Variants in ZFR observed in about 807,000 individuals in gnomAD.
ZFR encodes zinc finger RNA binding protein, also known as zinc finger RNA-binding protein.
Under a neutral mutation model 130.7 loss-of-function variants are expected in ZFR, and 19 were observed. That is an observed-to-expected ratio of 0.15 (90% CI 0.10 to 0.21). The LOEUF is 0.21. ZFR is among the 10% of genes least tolerant of loss of function. ZFR has a pLI of 1.00. For missense variants in ZFR, 872 were observed against 1,321.5 expected, an observed-to-expected ratio of 0.66 and a Z score of 5.27; for synonymous variants, 466 against 456.9, an observed-to-expected ratio of 1.02 and a Z score of -0.25.
intron 2 of ZFR, among the ~76,000 whole-genome samples, chr5:32,429,110 C>T (rs956882338): frequency 4.0e-5 from 6 of 151,400 alleles, no homozygotes; most frequent in African/African-American, 7.3e-5. Context: ...CTCAGCCTCC[C>T]GAGTAGCTGG....
At chr5:32,369,016 A>C (rs957533655) in intron 17 of ZFR, among the ~76,000 whole-genome samples, 1 of 152,196 alleles carries the variant, frequency 6.6e-6, no homozygotes, top group African/African-American at 2.4e-5. Context: ...CATTTTTGTA[A>C]TATATTTACT....
At chr5:32,394,564 T>C (rs1246369539) in intron 11 of ZFR, 1 of 154,654 alleles carries the variant, frequency 6.5e-6, no homozygotes, top group African/African-American at 2.4e-5. Flanking sequence ...GGGGAGATAC[T>C]AGGTATGTGG....
chr5:32,366,170 C>T (rs1177498272), intron 17 of ZFR, among the ~76,000 whole-genome samples: 1 of 152,036 alleles, frequency 6.6e-6, no homozygotes, highest in East Asian at 1.9e-4. Flanking sequence ...GAGAATAATC[C>T]TGACAATTCA....
At chr5:32,358,176 G>A (rs537391228) in intron 19 of ZFR, among the ~76,000 whole-genome samples, 2 of 152,188 alleles carry the variant, frequency 1.3e-5, no homozygotes, top group Non-Finnish European at 2.9e-5. Flanking sequence ...GGCCAACATG[G>A]TGTAACCCCA....
intron 2 of ZFR, among the ~76,000 whole-genome samples, chr5:32,421,806 A>G (rs954158523): frequency 6.6e-6 from 1 of 152,160 alleles, no homozygotes; most frequent in Non-Finnish European, 1.5e-5. Flanking sequence ...TTGATATAAA[A>G]CTAACATTTT....
chr5:32,379,985 C>A, intron 16 of ZFR, 90 bp downstream of exon 16: 1 of 1,059,480 alleles, frequency 9.4e-7, no homozygotes, highest in South Asian at 1.5e-5. Flanking sequence ...CTTGGGCAGT[C>A]TTTTGAAATG....
At chr5:32,388,357 A>G in intron 13 of ZFR, 112 bp downstream of exon 13, 1 of 1,026,938 alleles carries the variant, frequency 9.7e-7, no homozygotes, top group Non-Finnish European at 1.4e-6. Context: ...AGGCATGGTT[A>G]AAACACATAG....
chr5:32,378,615 C>G (rs1259005775), intron 17 of ZFR, among the ~76,000 whole-genome samples: 1 of 151,960 alleles, frequency 6.6e-6, no homozygotes, highest in African/African-American at 2.4e-5. Flanking sequence ...GAAGAAATCA[C>G]AGCAGATTGT....
At position 32,438,251 on chromosome 5, in the gene ZFR, AAATTT is replaced by A. The variant is rs1248570757; in HGVS notation, c.137+5973_137+5977del. Among the ~76,000 whole-genome samples, 332 of 34,640 alleles carry A rather than the reference AAATTT, an allele frequency of 9.6e-3. 40 individuals are homozygous for A. Among genetic ancestry groups the A allele is most frequent in the African/African-American group, 0.026 (292 of 11,444 alleles). 22.7% of individuals were successfully genotyped at this position (34,640 alleles called of 152,430 possible). A position where few individuals can be genotyped will look rare whatever the true frequency, so the allele number is the denominator to read the frequency against. ...CAAGAATGCTACTGATTTTATCTGA[AAATTT>A]TTTTTTTTTTTTTTTTTTTTTTTTG... is the stretch of plus-strand genomic sequence containing the variant. On this transcript the variant is annotated intron_variant, in intron 2 of 19. Transcript: ENST00000265069.
intron 19 of ZFR, among the ~76,000 whole-genome samples, 181 bp downstream of exon 19, chr5:32,363,767 T>C (rs1752482463): frequency 6.6e-6 from 1 of 152,210 alleles, no homozygotes; most frequent in Non-Finnish European, 1.5e-5. Flanking sequence ...AATTTTAAAC[T>C]CTATTAGTGA....
Position 32,390,383 on chromosome 5 carries a change from C to G in ZFR, c.2034G>C (p.Trp678Cys). 1 of 1,614,110 alleles carries G rather than the reference C, an allele frequency of 6.2e-7. No homozygotes were observed. The highest frequency in any genetic ancestry group is 8.5e-7 in the Non-Finnish European group (1 of 1,180,002). ...WRRMEEEQHH[W>C]DDRRRMPDGG... ...CATCTGGCATTCGGCGGCGATCATC[C>G]CAATGATGTTGTTCTTCCTCCATTC... Residue 678 changes from tryptophan (W) to cysteine (C), a missense_variant, in exon 12 of 20, where the codon TGG becomes TGC. By Grantham distance (215) the Trp-to-Cys change is radical. Around this residue, in one of 7 missense-constraint regions of ZFR, gnomAD observed 225 missense variants for 282.4 expected, o/e 0.80. Transcript: ENST00000265069.
chr5:32,410,283 CAA>C (rs3065266), intron 5 of ZFR, among the ~76,000 whole-genome samples: 46 of 113,148 alleles, frequency 4.1e-4, no homozygotes, highest in African/African-American at 1.3e-3. Context: ...ACACTGTCTC[CAA>C]AAAAAAAAAA....
chr5:32,388,263 C>T (rs866182804), intron 13 of ZFR, among the ~76,000 whole-genome samples: 17 of 152,180 alleles, frequency 1.1e-4, no homozygotes, highest in South Asian at 2.1e-4. Context: ...AGTACAATTA[C>T]GAGGTTAGAC....
Position 32,379,374 on chromosome 5 carries a change from T to C in ZFR, c.2740-164A>G, listed in dbSNP as rs1752890204. On this transcript the variant is annotated intron_variant, in intron 16 of 19. Coordinates refer to ENST00000265069, the MANE Select transcript of ZFR (RefSeq NM_016107.5). ...TGAGCTGCCATTTACAGCAGTATTTTATGCCAGGGTTAGTATTTAAAAGCT... is the reference window on the plus strand; with the variant it reads ...TGAGCTGCCATTTACAGCAGTATTTCATGCCAGGGTTAGTATTTAAAAGCT... The C allele has an allele frequency of 8.8e-6, 6 of 682,638 alleles. No homozygotes were observed. The East Asian group carries it at 1.7e-4, about 19-fold the overall frequency. 42.3% of individuals were successfully genotyped at this position (682,638 alleles called of 1,614,324 possible).
intron 16 of ZFR, 89 bp from the exon 17 acceptor site, chr5:32,379,299 A>T (rs1368678767): frequency 1.8e-6 from 2 of 1,103,914 alleles, no homozygotes; most frequent in Non-Finnish European, 2.7e-6. Context: ...CCACCGTTCA[A>T]TGGAAGCTCA....
chr5:32,376,421 T>A (rs1345532717), intron 17 of ZFR, among the ~76,000 whole-genome samples: 1 of 139,720 alleles, frequency 7.2e-6, no homozygotes, highest in African/African-American at 2.7e-5. Context: ...CCAAGGCGGG[T>A]GGATCACAAG....
At chr5:32,377,110 C>T (rs528368435) in intron 17 of ZFR, among the ~76,000 whole-genome samples, 7 of 146,216 alleles carry the variant, frequency 4.8e-5, no homozygotes, top group African/African-American at 1.0e-4. Flanking sequence ...GAGCCAAGAT[C>T]GTGCCACTGC....
chr5:32,365,828 G>A (rs187709561), intron 17 of ZFR, among the ~76,000 whole-genome samples: 86 of 152,216 alleles, frequency 5.6e-4, no homozygotes, highest in Admixed American at 1.0e-3. Flanking sequence ...TTGAACTCCT[G>A]GACTCATGTA....
At chr5:32,429,054 C>T (rs1023043947) in intron 2 of ZFR, among the ~76,000 whole-genome samples, 1 of 144,468 alleles carries the variant, frequency 6.9e-6, no homozygotes, top group Non-Finnish European at 1.5e-5. Context: ...GGCGTGATCT[C>T]GGCTAGCTGC....
Sources: allele counts gnomAD v4.1 joint callset (sites outside exome capture counted in the v4.1 genomes callset), GRCh38; gene constraint gnomAD v4.1.1; regional missense constraint gnomAD v4.1.1; transcripts MANE v1.5; gene names NCBI Gene and HGNC (gene_info 2026-07-23, HGNC 2026-07-21).